The following RELN variants were observed in gnomAD, a reference collection of about 807,000 sequenced individuals.
RELN encodes reelin.
Under a neutral mutation model 427.6 loss-of-function variants are expected in RELN, and 108 were observed. The ratio of observed to expected loss-of-function variants is 0.25; its 90% CI spans 0.22 to 0.30. The LOEUF (loss-of-function observed/expected upper bound fraction) is 0.30, where lower values mean the gene tolerates loss of function less well. Among genes scored for constraint, RELN ranks in the 10% least tolerant of loss-of-function variants. The pLI is 1.00. For synonymous variants in RELN, 1,524 were observed against 1,513.4 expected (o/e 1.01, Z -0.16); for missense variants, 3,715 against 4,302.8 (o/e 0.86, Z 3.82).
intron 1 of RELN, among the ~76,000 whole-genome samples, chr7:103,982,489 G>A (rs1369290041): frequency 6.6e-6 from 1 of 151,922 alleles, no homozygotes; most frequent in Non-Finnish European, 1.5e-5. Flanking sequence ...TGGCAATGGG[G>A]GAAACCTGAA....
intron 1 of RELN, among the ~76,000 whole-genome samples, chr7:103,973,774 T>G (rs572796077): frequency 1.4e-4 from 21 of 152,210 alleles, no homozygotes; most frequent in Admixed American, 6.5e-4. Context: ...TCATAATTCC[T>G]AAGACTATAA....
chr7:103,667,836 A>G (rs947737604), intron 11 of RELN, among the ~76,000 whole-genome samples: 13 of 152,366 alleles, frequency 8.5e-5, no homozygotes, highest in African/African-American at 2.9e-4. Flanking sequence ...AGCAAAGACT[A>G]TCCAGGGAAA....
At chr7:103,920,762 C>G (rs1795600874) in intron 1 of RELN, among the ~76,000 whole-genome samples, 1 of 151,870 alleles carries the variant, frequency 6.6e-6, no homozygotes, top group African/African-American at 2.4e-5. Flanking sequence ...TTAGTAGAGA[C>G]AGGGTTTCAC....
Position 103,472,525 on chromosome 7 carries a change from C to A in RELN, c.*287G>T. ...TTTTTTGTGCTTAAATTTCATTTTTCTGTTAAACTGTTTCTTATTGTCAAT... is the reference window on the plus strand; with the variant it reads ...TTTTTTGTGCTTAAATTTCATTTTTATGTTAAACTGTTTCTTATTGTCAAT... On this transcript the variant is annotated 3_prime_UTR_variant, in exon 65 of 65. Coordinates refer to ENST00000428762, the MANE Select transcript of RELN (RefSeq NM_005045.4). 1 of 372,738 alleles carries A rather than the reference C, an allele frequency of 2.7e-6. No homozygotes were observed. Among genetic ancestry groups the A allele is most frequent in the South Asian group, 2.9e-5 (1 of 34,088 alleles). 23.1% of individuals were successfully genotyped at this position (372,738 alleles called of 1,614,324 possible).
At position 103,967,474 on chromosome 7, in the gene RELN, C is replaced by A. The variant is rs188602316; in HGVS notation, c.226+21657G>T. ...TAGAGCAGTGAACCTACCAGTCATC[C>A]CCAGATGGAGCAGGCCTTTTCTTCA... On this transcript the variant is annotated intron_variant, in intron 1 of 64. Transcript: ENST00000428762. 2.6e-5 allele frequency among the ~76,000 whole-genome samples: 4 copies of A among 152,266 alleles called. No homozygotes were observed. In the East Asian group the frequency reaches 5.8e-4, roughly 22 times the overall value.
At chr7:103,818,130 A>G (rs1055451357) in intron 3 of RELN, among the ~76,000 whole-genome samples, 3 of 152,086 alleles carry the variant, frequency 2.0e-5, no homozygotes, top group African/African-American at 7.2e-5. Flanking sequence ...TATTCAAAGT[A>G]TACAGTTAAA....
intron 20 of RELN, among the ~76,000 whole-genome samples, chr7:103,627,069 C>A (rs1336480577): frequency 6.6e-6 from 1 of 152,000 alleles, no homozygotes; most frequent in African/African-American, 2.4e-5. Context: ...ACAGTCTATG[C>A]TCATGGAAAG....
At chr7:103,905,369 C>T (rs1187260806) in intron 2 of RELN, among the ~76,000 whole-genome samples, 1 of 152,066 alleles carries the variant, frequency 6.6e-6, no homozygotes. Context: ...ATGGACAAAG[C>T]GGTAGCCAGG....
intron 2 of RELN, among the ~76,000 whole-genome samples, chr7:103,865,020 A>C (rs571919403): frequency 6.6e-6 from 1 of 151,546 alleles, no homozygotes; most frequent in East Asian, 2.0e-4. Flanking sequence ...AATCCCAGCT[A>C]CTGGGGAGGC....
At chr7:103,496,888 A>G in intron 55 of RELN, 120 bp from the exon 56 acceptor site, 1 of 1,148,082 alleles carries the variant, frequency 8.7e-7, no homozygotes, top group Non-Finnish European at 1.3e-6. Flanking sequence ...GGAAATGACA[A>G]CTGATTTTCC....
chr7:103,534,451 T>G (rs1830006344), intron 46 of RELN, among the ~76,000 whole-genome samples: 1 of 151,918 alleles, frequency 6.6e-6, no homozygotes, highest in East Asian at 1.9e-4. Context: ...ATTTAACTTC[T>G]TTATCAGAAT....
At chr7:103,644,935 A>T (rs566307203) in intron 16 of RELN, among the ~76,000 whole-genome samples, 2 of 151,756 alleles carry the variant, frequency 1.3e-5, no homozygotes, top group African/African-American at 2.4e-5. Flanking sequence ...GGAATTCTTA[A>T]TAGAAACCTT....
At chr7:103,646,291 A>C (rs1464252198) in intron 16 of RELN, among the ~76,000 whole-genome samples, 1 of 151,926 alleles carries the variant, frequency 6.6e-6, no homozygotes, top group Admixed American at 6.6e-5. Context: ...ACTAAATGAA[A>C]TAGAGATCAA....
intron 1 of RELN, among the ~76,000 whole-genome samples, chr7:103,957,511 A>G (rs144748166): frequency 1.3e-5 from 2 of 152,266 alleles, no homozygotes; most frequent in African/African-American, 4.8e-5. Context: ...ACCAGAGGTG[A>G]CTGGTTTGCC....
At chr7:103,700,422 T>C (rs1345910605) in intron 9 of RELN, among the ~76,000 whole-genome samples, 1 of 152,176 alleles carries the variant, frequency 6.6e-6, no homozygotes, top group Non-Finnish European at 1.5e-5. Context: ...ATCACAATTA[T>C]GTTAATAGAA....
intron 3 of RELN, among the ~76,000 whole-genome samples, chr7:103,791,911 GCAAA>G (rs1388783377): frequency 2.0e-5 from 3 of 151,890 alleles, no homozygotes; most frequent in Non-Finnish European, 2.9e-5. Context: ...TTAAAAATGG[GCAAA>G]CAATTTGAAC....
At chr7:103,744,190 A>T (rs570572571) in intron 6 of RELN, among the ~76,000 whole-genome samples, 2,645 of 152,310 alleles carry the variant, frequency 0.017, 69 homozygotes, top group African/African-American at 0.061. Context: ...ATGAAGGCAG[A>T]AATAAAGATG....
At chr7:103,494,728 A>G (rs866261802) in intron 57 of RELN, among the ~76,000 whole-genome samples, 1 of 150,872 alleles carries the variant, frequency 6.6e-6, no homozygotes, top group Non-Finnish European at 1.5e-5. Context: ...TTAATTATTT[A>G]TGTCTTCACT....
intron 63 of RELN, chr7:103,481,995 T>A (rs1020511568): frequency 6.6e-6 from 1 of 152,164 alleles, no homozygotes; most frequent in Admixed American, 6.5e-5. Flanking sequence ...AGCAGGTGCC[T>A]CAGTGAAAAC....
Sources: gnomAD v4.1 joint callset for allele counts (sites outside exome capture counted in the v4.1 genomes callset) on GRCh38, gnomAD v4.1.1 for gene constraint, MANE v1.5 for transcripts, NCBI Gene and HGNC (gene_info 2026-07-23, HGNC 2026-07-21) for gene names.